Variants in CDH26 observed in about 807,000 individuals in gnomAD.
CDH26 encodes the protein cadherin-like protein 26.
A neutral mutation model predicts 90.3 loss-of-function variants in CDH26; 83 were observed. The observed-to-expected ratio is 0.92, with a 90% CI of 0.77 to 1.10. The LOEUF is 1.10. CDH26 is among the 50% of genes least tolerant of loss of function. The pLI is 0.00. For synonymous variants in CDH26, 397 were observed against 396.3 expected (o/e 1.00, Z -0.02); for missense variants, 1,013 against 1,037.6 (o/e 0.98, Z 0.33).
At chr20:60,021,053 C>T (rs1461907844) in intron 7 of CDH26, among the ~76,000 whole-genome samples, 3 of 152,248 alleles carry the variant, frequency 2.0e-5, no homozygotes, top group Non-Finnish European at 4.4e-5. Context: ...CATTCCTCTG[C>T]TGCATGACAG....
intron 8 of CDH26, among the ~76,000 whole-genome samples, chr20:60,032,504 T>C (rs1022593776): frequency 2.0e-5 from 3 of 152,218 alleles, no homozygotes; most frequent in South Asian, 2.1e-4. Flanking sequence ...AGAACTTGAA[T>C]GTGGGCCTAA....
intron 5 of CDH26, among the ~76,000 whole-genome samples, chr20:59,983,628 T>C (rs1392498900): frequency 6.6e-6 from 1 of 152,276 alleles, no homozygotes; most frequent in East Asian, 1.9e-4. Context: ...AGCATTTTTG[T>C]GTGCATTTTC....
chr20:60,015,688 G>GT (rs34788658), downstream of CDH26, among the ~76,000 whole-genome samples: 17 of 152,072 alleles, frequency 1.1e-4, no homozygotes, highest in African/African-American at 3.6e-4. Context: ...TTACTCATAA[G>GT]TTTTTTTACA....
intron 3 of CDH26, among the ~76,000 whole-genome samples, chr20:59,970,720 G>A (rs1212604384): frequency 6.6e-6 from 1 of 151,690 alleles, no homozygotes; most frequent in African/African-American, 2.4e-5. Context: ...TGAGGCAGGA[G>A]AATGGCATGA....
chr20:60,010,020 A>G (rs953974965), intron 17 of CDH26, among the ~76,000 whole-genome samples: 5 of 152,062 alleles, frequency 3.3e-5, no homozygotes, highest in East Asian at 1.9e-4. Flanking sequence ...GACCCAGTCA[A>G]TGGGCCAGAT....
chr20:60,023,616 CAA>C (rs1452785497), intron 7 of CDH26, among the ~76,000 whole-genome samples: 2 of 151,536 alleles, frequency 1.3e-5, no homozygotes, highest in Non-Finnish European at 2.9e-5. Flanking sequence ...CAATGTTCTA[CAA>C]GAGAGAGCTG....
chr20:59,975,705 G>A lies in CDH26; in HGVS notation c.393+3582G>A, dbSNP rs544117553. Among the ~76,000 whole-genome samples the A allele has an allele frequency of 7.2e-5, 11 of 152,318 alleles. No homozygotes were observed. The South Asian group carries it at 1.7e-3, about 23-fold the overall frequency. On this transcript the variant is annotated intron_variant, in intron 4 of 17. Transcript: ENST00000348616. ...TAACCATCTGCTCCTGTAAGAGAGC[G>A]TTTATTGTTGGCTTTGGCAGTCCAT...
chr20:59,980,405 C>A (rs1051444885), intron 4 of CDH26, among the ~76,000 whole-genome samples: 2 of 152,102 alleles, frequency 1.3e-5, no homozygotes, highest in Non-Finnish European at 2.9e-5. Flanking sequence ...AGCAATTCTC[C>A]TGCCTCAGCC....
downstream of CDH26, among the ~76,000 whole-genome samples, chr20:60,018,111 T>G (rs2061920775): frequency 1.3e-5 from 2 of 152,114 alleles, no homozygotes; most frequent in African/African-American, 4.8e-5. Context: ...CTGTAAAGTC[T>G]ACTAGGTCTA....
intron 4 of CDH26, among the ~76,000 whole-genome samples, chr20:59,975,800 T>C (rs1209417120): frequency 6.6e-6 from 1 of 152,170 alleles, no homozygotes; most frequent in African/African-American, 2.4e-5. Context: ...GTAGCACTTC[T>C]TTACTCTTGA....
downstream of CDH26, among the ~76,000 whole-genome samples, chr20:60,016,602 T>A (rs111359053): frequency 0.019 from 2,852 of 151,042 alleles, 41 homozygotes; most frequent in South Asian, 0.071. Flanking sequence ...AATTCCCTTT[T>A]TTTCTTCCTC....
intron 17 of CDH26, among the ~76,000 whole-genome samples, chr20:60,012,106 G>T (rs2061851744): frequency 6.6e-6 from 1 of 152,064 alleles, no homozygotes; most frequent in Non-Finnish European, 1.5e-5. Context: ...TTGTGGGTCG[G>T]GAGAAAGGAG....
At chr20:59,960,798 A>G (rs903647363) in intron 1 of CDH26, among the ~76,000 whole-genome samples, 2 of 152,220 alleles carry the variant, frequency 1.3e-5, no homozygotes, top group African/African-American at 4.8e-5. Flanking sequence ...ATCTTCTCTT[A>G]GAGAGCCTCT....
intron 7 of CDH26, chr20:59,986,035 G>C (rs1343684351): frequency 1.3e-5 from 2 of 152,228 alleles, no homozygotes; most frequent in Non-Finnish European, 2.9e-5. Flanking sequence ...CCGCCCAGTA[G>C]ATGTCAGTAG....
rs540951043 is a variant in CDH26 at position 59,974,540 on chromosome 20, A to G, written c.393+2417A>G. ...ATAGATCCTAGGCACCATTTAGAGCAAAGAGTGACAGTGTGGGGTGGGGGG... is the reference window on the plus strand; with the variant it reads ...ATAGATCCTAGGCACCATTTAGAGCGAAGAGTGACAGTGTGGGGTGGGGGG... On this transcript the variant is annotated intron_variant, in intron 4 of 17. Coordinates refer to ENST00000348616, the MANE Select transcript of CDH26 (RefSeq NM_177980.4). Among the ~76,000 whole-genome samples, 6 of 152,204 alleles carry G rather than the reference A, an allele frequency of 3.9e-5. No homozygotes were observed. The South Asian group carries it at 1.2e-3, about 31-fold the overall frequency.
intron 17 of CDH26, among the ~76,000 whole-genome samples, chr20:60,011,212 G>A (rs7263220): frequency 0.017 from 2,582 of 152,316 alleles, 68 homozygotes; most frequent in African/African-American, 0.051. Flanking sequence ...GATGACTCTA[G>A]GTTTCAAGGT....
intron 1 of CDH26, among the ~76,000 whole-genome samples, chr20:59,966,231 T>TA (rs60088029): frequency 0.06 from 4,579 of 76,194 alleles, 371 homozygotes; most frequent in African/African-American, 0.099. Flanking sequence ...GGTGTTGCAT[T>TA]AAAAAAAAAA....
intron 7 of CDH26, among the ~76,000 whole-genome samples, chr20:60,025,371 G>A (rs979455273): frequency 1.3e-4 from 20 of 152,308 alleles, no homozygotes; most frequent in African/African-American, 4.3e-4. Context: ...TCCTTACACC[G>A]TGCTACACTA....
intron 4 of CDH26, among the ~76,000 whole-genome samples, chr20:59,977,612 A>T (rs1056923206): frequency 7.2e-5 from 11 of 151,870 alleles, no homozygotes; most frequent in Admixed American, 6.6e-4. Flanking sequence ...TTTTTAGAGC[A>T]GTTTTAGATT....
Sources: allele counts gnomAD v4.1 joint callset (sites outside exome capture counted in the v4.1 genomes callset), GRCh38; gene constraint gnomAD v4.1.1; transcripts MANE v1.5; gene names NCBI Gene and HGNC (gene_info 2026-07-23, HGNC 2026-07-21).